Variants in CDK6 observed in about 807,000 individuals in gnomAD.
The protein encoded by CDK6 is cyclin-dependent kinase 6.
A neutral mutation model predicts 37.1 loss-of-function variants in CDK6; 6 were observed. That is an observed-to-expected ratio of 0.16 (90% CI 0.09 to 0.32). The LOEUF is 0.32. Ranked by LOEUF, CDK6 falls within the 10% of genes least tolerant of loss-of-function variation. The pLI, the probability that CDK6 is intolerant of heterozygous loss-of-function variation, is 1.00. For missense variants in CDK6, 224 were observed against 418.9 expected, an observed-to-expected ratio of 0.53 and a Z score of 4.06; for synonymous variants, 160 against 161.3, an observed-to-expected ratio of 0.99 and a Z score of 0.06.
At chr7:92,653,680 C>T (rs1289524422) in intron 5 of CDK6, among the ~76,000 whole-genome samples, 1 of 152,186 alleles carries the variant, frequency 6.6e-6, no homozygotes, top group Non-Finnish European at 1.5e-5. Flanking sequence ...ATTACAGGAT[C>T]TTTTAATTTG....
intron 4 of CDK6, among the ~76,000 whole-genome samples, chr7:92,688,694 T>G (rs1359845320): frequency 2.0e-5 from 3 of 151,808 alleles, no homozygotes; most frequent in African/African-American, 7.3e-5. Flanking sequence ...AAATGTTTGT[T>G]TGAACATTAA....
Position 92,605,166 on chromosome 7 carries a change from G to A in CDK6, c.*9974C>T. On this transcript the variant is annotated 3_prime_UTR_variant, in exon 8 of 8. Coordinates refer to ENST00000424848, the MANE Select transcript of CDK6 (RefSeq NM_001145306.2). The stretch of plus-strand genomic sequence containing the variant: ...TAGCTTTCACATAAGTGAACACATT[G>A]GACAGTGATATTTCAACACCAATTT... 4.3e-6 allele frequency: 1 copy of A among 232,936 alleles called. No homozygotes were observed. The highest frequency in any genetic ancestry group is 6.1e-5 in the East Asian group (1 of 16,444). The allele number at this position is 232,936 out of a possible 1,614,324, so 14.4% of individuals were successfully genotyped here. A position where few individuals can be genotyped will look rare whatever the true frequency, so the allele number is the denominator to read the frequency against.
At chr7:92,650,755 T>A (rs1420972259) in intron 5 of CDK6, among the ~76,000 whole-genome samples, 1 of 152,232 alleles carries the variant, frequency 6.6e-6, no homozygotes, top group Non-Finnish European at 1.5e-5. Context: ...AGCTGGGGGC[T>A]GCCCATTGTT....
chr7:92,835,193 CG>C lies in CDK6; in HGVS notation c.-368+1284del. On this transcript the variant is annotated intron_variant, in intron 1 of 7. Coordinates refer to ENST00000424848, the MANE Select transcript of CDK6 (RefSeq NM_001145306.2). This position sits in a 1 kb window ranked among gnomAD's most constrained non-coding sequence, Gnocchi z 4.2. The stretch of plus-strand genomic sequence containing the variant: ...GAGGAAAGAGCCCCCAGGGACTGCC[CG>C]GGGGTCTGAGCCAGGTCGAGGGCCA... The C allele has an allele frequency of 6.6e-6, 1 of 152,628 alleles. No homozygotes were observed. Among genetic ancestry groups the C allele is most frequent in the South Asian group, 2.1e-4 (1 of 4,834 alleles). The allele number at this position is 152,628 out of a possible 1,614,324, so 9.5% of individuals were successfully genotyped here.
intron 4 of CDK6, among the ~76,000 whole-genome samples, chr7:92,724,323 C>T (rs748746744): frequency 5.3e-5 from 8 of 152,130 alleles, no homozygotes; most frequent in Admixed American, 2.6e-4. Flanking sequence ...ATGGTGTATG[C>T]TGGGCAAAGA....
chr7:92,644,797 G>A (rs1379849052), intron 5 of CDK6, among the ~76,000 whole-genome samples: 2 of 152,166 alleles, frequency 1.3e-5, no homozygotes, highest in African/African-American at 2.4e-5. Flanking sequence ...CAGCACACTC[G>A]CCTACTCTTC....
intron 2 of CDK6, among the ~76,000 whole-genome samples, chr7:92,831,585 T>C (rs1254332750): frequency 6.6e-6 from 1 of 152,198 alleles, no homozygotes; most frequent in African/African-American, 2.4e-5. Context: ...TTGTTGTTTT[T>C]AACAAATAAA....
intron 2 of CDK6, among the ~76,000 whole-genome samples, chr7:92,832,731 C>A (rs1399169149): frequency 7.9e-5 from 12 of 152,180 alleles, no homozygotes; most frequent in Non-Finnish European, 1.8e-4. Flanking sequence ...GAAAAATATG[C>A]GGGGGCTAGC....
rs1220011112 is a variant in CDK6, at chr7:92,679,271, G to A, written c.538-7736C>T. 3.9e-5 allele frequency among the ~76,000 whole-genome samples: 6 copies of A among 152,220 alleles called. No individual in the cohort carries two copies. In the East Asian group the frequency reaches 9.6e-4, roughly 24 times the overall value. Reference sequence around the variant, plus strand: ...TCTGTTAAAGAAGATGTTTGGACTGGGTAATCTATAAGGTGTCCTCTGTTA... The same window carrying A: ...TCTGTTAAAGAAGATGTTTGGACTGAGTAATCTATAAGGTGTCCTCTGTTA... On this transcript the variant is annotated intron_variant, in intron 4 of 7. Coordinates refer to ENST00000424848, the MANE Select transcript of CDK6 (RefSeq NM_001145306.2).
chr7:92,799,765 G>C (rs1017420602), intron 2 of CDK6, among the ~76,000 whole-genome samples: 2 of 152,160 alleles, frequency 1.3e-5, no homozygotes, highest in African/African-American at 2.4e-5. Flanking sequence ...TATTCCAAAT[G>C]TGGGGCTCAA....
intron 3 of CDK6, among the ~76,000 whole-genome samples, chr7:92,737,336 CA>C (rs964790078): frequency 5.3e-5 from 8 of 152,142 alleles, no homozygotes; most frequent in Non-Finnish European, 1.0e-4. Context: ...TTAATTAAAT[CA>C]AATGTTATGT....
chr7:92,819,522 G>A (rs1325222716), intron 2 of CDK6, among the ~76,000 whole-genome samples: 1 of 152,116 alleles, frequency 6.6e-6, no homozygotes, highest in East Asian at 1.9e-4. Flanking sequence ...GTATTTTACT[G>A]TATAAAAATT....
intron 2 of CDK6, among the ~76,000 whole-genome samples, chr7:92,832,125 T>C (rs1346980642): frequency 2.0e-5 from 3 of 152,208 alleles, no homozygotes; most frequent in Admixed American, 6.5e-5. Flanking sequence ...TAGGCATTCC[T>C]TTTCAATGTA....
chr7:92,638,368 G>C (rs953370602), intron 5 of CDK6, among the ~76,000 whole-genome samples: 1 of 152,146 alleles, frequency 6.6e-6, no homozygotes, highest in African/African-American at 2.4e-5. Flanking sequence ...TCCCACAATT[G>C]AACAACGTTT....
Position 92,833,485 on chromosome 7 carries a change from T to C in CDK6, c.-162A>G. The stretch of plus-strand genomic sequence containing the variant: ...GCTCGGGCGCTGGGGCTTTCGCCGC[T>C]GCAGAAGCTGGATGGAGAGACCTCC... On this transcript the variant is annotated 5_prime_UTR_variant, in exon 2 of 8. Transcript: ENST00000424848. This position sits in a 1 kb window ranked among gnomAD's most constrained non-coding sequence, Gnocchi z 6.1. 5.2e-6 allele frequency: 3 copies of C among 575,130 alleles called. No individual in the cohort carries two copies. The highest frequency in any genetic ancestry group is 9.0e-6 in the Non-Finnish European group (3 of 333,488). The allele number at this position is 575,130 out of a possible 1,614,324, so 35.6% of individuals were successfully genotyped here.
At chr7:92,733,270 T>G (rs1187419089) in intron 3 of CDK6, among the ~76,000 whole-genome samples, 1 of 152,130 alleles carries the variant, frequency 6.6e-6, no homozygotes, top group Non-Finnish European at 1.5e-5. Flanking sequence ...AATATCGCCT[T>G]TGCCATCACT....
chr7:92,812,657 C>T (rs531938801), intron 2 of CDK6, among the ~76,000 whole-genome samples: 1 of 152,138 alleles, frequency 6.6e-6, no homozygotes, highest in African/African-American at 2.4e-5. Flanking sequence ...AATTCCTGGC[C>T]TCAAGCAATC....
intron 1 of CDK6, among the ~76,000 whole-genome samples, chr7:92,836,038 A>G (rs539097477): frequency 9.9e-5 from 15 of 152,190 alleles, no homozygotes; most frequent in Non-Finnish European, 2.2e-4. Context: ...CGAGGGGGAA[A>G]TGCAAGCACA....
intron 5 of CDK6, among the ~76,000 whole-genome samples, chr7:92,633,262 G>A (rs1796095448): frequency 6.6e-6 from 1 of 152,126 alleles, no homozygotes; most frequent in Admixed American, 6.6e-5. Context: ...ACTTTGGGTA[G>A]AATCCAATGA....
Sources: gnomAD v4.1 joint callset for allele counts (sites outside exome capture counted in the v4.1 genomes callset) on GRCh38, gnomAD v4.1.1 for gene constraint, Gnocchi (gnomAD v3.1) non-coding constraint, MANE v1.5 for transcripts, NCBI Gene and HGNC (gene_info 2026-07-23, HGNC 2026-07-21) for gene names.